The following ELAPOR1 variants were observed in gnomAD, a reference collection of about 807,000 sequenced individuals.
ELAPOR1 encodes endosome-lysosome associated apoptosis and autophagy regulator 1, also known as endosome/lysosome-associated apoptosis and autophagy regulator 1.
A neutral mutation model predicts 119.7 loss-of-function variants in ELAPOR1; 77 were observed. The ratio of observed to expected loss-of-function variants is 0.64; its 90% CI spans 0.54 to 0.78. The LOEUF (loss-of-function observed/expected upper bound fraction) is 0.78. Ranked by LOEUF, ELAPOR1 falls within the 30% of genes least tolerant of loss-of-function variation. The pLI, the probability that ELAPOR1 is intolerant of heterozygous loss-of-function variation, is 0.00. For synonymous variants in ELAPOR1, 481 were observed against 487.2 expected, an observed-to-expected ratio of 0.99 and a Z score of 0.17; for missense variants, 1,115 against 1,270.4, an observed-to-expected ratio of 0.88 and a Z score of 1.86.
At chr1:109,192,424 C>T (rs183205589) in intron 13 of ELAPOR1, among the ~76,000 whole-genome samples, 187 bp from the exon 14 acceptor site, 2 of 152,140 alleles carry the variant, frequency 1.3e-5, no homozygotes, top group Non-Finnish European at 2.9e-5. Context: ...GGTTCAGTCT[C>T]ATTTTAAAAT....
chr1:109,140,841 CATTTT>C (rs1649782245), intron 1 of ELAPOR1, among the ~76,000 whole-genome samples: 1 of 152,052 alleles, frequency 6.6e-6, no homozygotes, highest in Non-Finnish European at 1.5e-5. Flanking sequence ...GCTTCAAATG[CATTTT>C]ATTTTATTTA....
At position 109,127,440 on chromosome 1, in the gene ELAPOR1, G is replaced by A. The variant is rs183524012; in HGVS notation, c.153+13104G>A. Among the ~76,000 whole-genome samples the A allele has an allele frequency of 6.3e-3, 957 of 151,838 alleles. 15 individuals are homozygous for A. Among genetic ancestry groups the A allele is most frequent in the African/African-American group, 0.022 (910 of 41,404 alleles). ...CATGTTGACCAGGATGGTCTTGATC[G>A]CCTGACCTTGTAGTCCACCTGCCTT... On this transcript the variant is annotated intron_variant, in intron 1 of 21. Transcript: ENST00000369939.
chr1:109,173,216 T>C (rs1652033140), intron 5 of ELAPOR1, among the ~76,000 whole-genome samples: 3 of 152,056 alleles, frequency 2.0e-5, no homozygotes, highest in Admixed American at 2.0e-4. Context: ...TCAGGTCTCT[T>C]TACTGGTCTC....
At chr1:109,167,496 C>T (rs1029207002) in intron 3 of ELAPOR1, among the ~76,000 whole-genome samples, 5 of 152,204 alleles carry the variant, frequency 3.3e-5, no homozygotes, top group Non-Finnish European at 4.4e-5. Flanking sequence ...TCCTATTCAG[C>T]TGTGCAGCTA....
intron 20 of ELAPOR1, 56 bp downstream of exon 20, chr1:109,200,293 G>A (rs1333539053): frequency 1.3e-6 from 2 of 1,571,272 alleles, no homozygotes. Flanking sequence ...ATTGATCAGG[G>A]AGAATATCTG....
At chr1:109,189,982 A>T (rs1044570926) in intron 11 of ELAPOR1, among the ~76,000 whole-genome samples, 6 of 152,188 alleles carry the variant, frequency 3.9e-5, no homozygotes, top group African/African-American at 9.7e-5. Context: ...AAAAAAATAA[A>T]AATAAAAAAT....
intron 7 of ELAPOR1, among the ~76,000 whole-genome samples, chr1:109,176,206 G>A (rs558790311): frequency 2.6e-5 from 4 of 152,122 alleles, no homozygotes; most frequent in Admixed American, 6.6e-5. Flanking sequence ...GAGTTCCAGG[G>A]GGTATCGAGG....
intron 3 of ELAPOR1, among the ~76,000 whole-genome samples, chr1:109,168,475 G>A (rs899735304): frequency 5.9e-5 from 9 of 152,182 alleles, no homozygotes; most frequent in African/African-American, 1.9e-4. Context: ...CCAGCTGAAC[G>A]GAGTCTCCAT....
intron 7 of ELAPOR1, among the ~76,000 whole-genome samples, chr1:109,178,309 C>A (rs1244544079): frequency 6.6e-6 from 1 of 152,132 alleles, no homozygotes; most frequent in Admixed American, 6.5e-5. Context: ...CTGCACCTGG[C>A]CAGTGAGTTT....
At chr1:109,197,711 GTGTA>G (rs1653915715) in intron 16 of ELAPOR1, 57 bp downstream of exon 16, 17 of 1,493,752 alleles carry the variant, frequency 1.1e-5, no homozygotes, top group Non-Finnish European at 1.5e-5. Flanking sequence ...GTGTGTGTGT[GTGTA>G]TGTGTAAGAG....
chr1:109,175,329 A>G (rs12078949), intron 7 of ELAPOR1, among the ~76,000 whole-genome samples: 67,129 of 150,484 alleles, frequency 0.45, 15,512 homozygotes, highest in African/African-American at 0.59. Context: ...CGGCCTCCCA[A>G]GTAGCTGGGA....
chr1:109,120,414 A>AATAAC (rs1260285348), intron 1 of ELAPOR1, among the ~76,000 whole-genome samples: 2 of 151,798 alleles, frequency 1.3e-5, no homozygotes, highest in Non-Finnish European at 2.9e-5. Context: ...AATAAAATAA[A>AATAAC]ATAAAATAAA....
intron 8 of ELAPOR1, chr1:109,187,760 C>T (rs1198985476): frequency 6.4e-6 from 5 of 782,610 alleles, no homozygotes; most frequent in Non-Finnish European, 8.0e-6. Context: ...ATCTCAGCCA[C>T]CCCCTCAGTC....
chr1:109,154,489 G>A (rs765087546), intron 1 of ELAPOR1, among the ~76,000 whole-genome samples: 3 of 152,110 alleles, frequency 2.0e-5, no homozygotes, highest in Admixed American at 6.5e-5. Context: ...TTTGTTCCTC[G>A]TCTCAGAGAC....
chr1:109,141,072 G>A (rs1340493177), intron 1 of ELAPOR1, among the ~76,000 whole-genome samples: 2 of 151,980 alleles, frequency 1.3e-5, no homozygotes, highest in East Asian at 1.9e-4. Flanking sequence ...GGCTGGCCTC[G>A]AACTCCTGAT....
chr1:109,187,261 C>T (rs1653109493), intron 8 of ELAPOR1: 22 of 985,470 alleles, frequency 2.2e-5, no homozygotes, highest in Non-Finnish European at 2.7e-5. Flanking sequence ...GGACTCTCCT[C>T]TCCCTGAGAC....
chr1:109,140,682 A>G (rs1649772472), intron 1 of ELAPOR1, among the ~76,000 whole-genome samples: 1 of 152,180 alleles, frequency 6.6e-6, no homozygotes, highest in Admixed American at 6.5e-5. Context: ...TCAGGATTGT[A>G]TACAAGGGCA....
intron 8 of ELAPOR1, 58 bp from the exon 9 acceptor site, chr1:109,188,119 G>C (rs1387254974): frequency 4.5e-6 from 7 of 1,548,774 alleles, no homozygotes; most frequent in Non-Finnish European, 2.6e-6. Context: ...TCAAGGTAGA[G>C]TCCCAAAGAT....
intron 18 of ELAPOR1, among the ~76,000 whole-genome samples, chr1:109,199,366 C>A (rs1654021799): frequency 6.6e-6 from 1 of 152,144 alleles, no homozygotes; most frequent in Non-Finnish European, 1.5e-5. Context: ...GCGTCTTGAC[C>A]CAGTAGTGGT....
Sources: gnomAD v4.1 joint callset for allele counts (sites outside exome capture counted in the v4.1 genomes callset) on GRCh38, gnomAD v4.1.1 for gene constraint, MANE v1.5 for transcripts, NCBI Gene and HGNC (gene_info 2026-07-23, HGNC 2026-07-21) for gene names.